Variants in LAMC1 observed in about 807,000 individuals in gnomAD.
LAMC1 encodes the protein laminin subunit gamma-1.
LAMC1 carries 38 observed loss-of-function variants against 173.6 expected under a neutral mutation model. That is an observed-to-expected ratio of 0.22 (90% confidence interval 0.17 to 0.29). LAMC1 has a LOEUF of 0.29. LAMC1 is among the 10% of genes least tolerant of loss of function. The pLI is 1.00. For missense variants in LAMC1, 1,824 were observed against 2,051.8 expected, an observed-to-expected ratio of 0.89 and a Z score of 2.14; for synonymous variants, 746 against 749.1, an observed-to-expected ratio of 1.00 and a Z score of 0.07.
chr1:183,099,287 A>G (rs1445648171), intron 1 of LAMC1, among the ~76,000 whole-genome samples: 1 of 151,930 alleles, frequency 6.6e-6, no homozygotes, highest in African/African-American at 2.4e-5. Flanking sequence ...ACAGGGTTTC[A>G]CCATGTTGGC....
At chr1:183,061,571 G>T (rs998773207) in intron 1 of LAMC1, among the ~76,000 whole-genome samples, 12 of 151,986 alleles carry the variant, frequency 7.9e-5, no homozygotes, top group Non-Finnish European at 8.8e-5. Flanking sequence ...TTTTTAAAAA[G>T]TGCTTATATC....
At chr1:183,116,346 G>A (rs1276874199) in intron 6 of LAMC1, among the ~76,000 whole-genome samples, 3 of 151,860 alleles carry the variant, frequency 2.0e-5, no homozygotes, top group Non-Finnish European at 2.9e-5. Context: ...GTGTGGTGGC[G>A]TGCGCCTGTA....
intron 1 of LAMC1, among the ~76,000 whole-genome samples, chr1:183,037,603 G>A (rs1165630079): frequency 1.3e-5 from 2 of 152,158 alleles, no homozygotes; most frequent in South Asian, 2.1e-4. Context: ...TCACTTTGAT[G>A]TCTGTGTATG....
chr1:183,100,802 C>T (rs1236418471), intron 1 of LAMC1, among the ~76,000 whole-genome samples: 1 of 152,076 alleles, frequency 6.6e-6, no homozygotes, highest in Non-Finnish European at 1.5e-5. Context: ...GGTGTGTGAG[C>T]CTCCATACAG....
chr1:183,117,052 TTTTAA>T (rs1656342860), intron 8 of LAMC1, 149 bp downstream of exon 8: 2 of 862,974 alleles, frequency 2.3e-6, no homozygotes, highest in South Asian at 4.0e-5. Flanking sequence ...TAGTTTGGCC[TTTTAA>T]TTTAATGAAA....
rs1655041125 is a variant in LAMC1 at position 183,072,795 on chromosome 1, T to C, written c.419-30533T>C. 3.3e-5 allele frequency among the ~76,000 whole-genome samples: 5 copies of C among 152,182 alleles called. No homozygotes were observed. The South Asian group carries it at 1.0e-3, about 32-fold the overall frequency. Reference sequence around the variant, plus strand: ...GGTCAGCTGCAGCATTAGATTCTCATAGGAGCATGAACCCTGTTGTGAAAT... The same window carrying C: ...GGTCAGCTGCAGCATTAGATTCTCACAGGAGCATGAACCCTGTTGTGAAAT... On this transcript the variant is annotated intron_variant, in intron 1 of 27. Coordinates refer to ENST00000258341, the MANE Select transcript of LAMC1 (RefSeq NM_002293.4).
intron 1 of LAMC1, among the ~76,000 whole-genome samples, chr1:183,071,285 A>G (rs1481965989): frequency 2.0e-5 from 3 of 152,130 alleles, no homozygotes; most frequent in Admixed American, 6.5e-5. Flanking sequence ...GGAGGAAAAT[A>G]CTTGATGCTG....
rs1476939560 is a variant in LAMC1, at chr1:183,079,232, G to T, written c.419-24096G>T. ...AAGCAACTTTCTGATCTCTAATCTG[G>T]TTTTTTTTTTTTTTTTTTTTTTTTT... On this transcript the variant is annotated intron_variant, in intron 1 of 27. Transcript: ENST00000258341. Among the ~76,000 whole-genome samples, 450 of 62,836 alleles carry T rather than the reference G, an allele frequency of 7.2e-3. 1 individual carries two copies. The highest frequency in any genetic ancestry group is 0.02 in the African/African-American group (372 of 18,148). The allele number at this position is 62,836 out of a possible 152,430, so 41.2% of individuals were successfully genotyped here.
chr1:183,049,996 T>C (rs974343462), intron 1 of LAMC1, among the ~76,000 whole-genome samples: 1 of 152,192 alleles, frequency 6.6e-6, no homozygotes, highest in African/African-American at 2.4e-5. Flanking sequence ...TCAGTCTCCT[T>C]GCATAATACA....
chr1:183,061,672 A>G (rs886065270), intron 1 of LAMC1, among the ~76,000 whole-genome samples: 2 of 152,214 alleles, frequency 1.3e-5, no homozygotes, highest in Admixed American at 6.5e-5. Context: ...ATCAGAAATC[A>G]GTTTTGCTCT....
intron 1 of LAMC1, among the ~76,000 whole-genome samples, chr1:183,091,210 C>T (rs113686121): frequency 0.021 from 3,159 of 152,058 alleles, 60 homozygotes; most frequent in South Asian, 0.079. Flanking sequence ...TAGTAGAAAT[C>T]TTTGTTTTTG....
intron 3 of LAMC1, among the ~76,000 whole-genome samples, chr1:183,110,091 A>C (rs916564549): frequency 1.3e-5 from 2 of 152,174 alleles, no homozygotes; most frequent in Admixed American, 1.3e-4. Flanking sequence ...CCTGTTTTAC[A>C]GGCGAGGCAC....
At chr1:183,047,405 T>C (rs575386661) in intron 1 of LAMC1, among the ~76,000 whole-genome samples, 1 of 152,314 alleles carries the variant, frequency 6.6e-6, no homozygotes, top group East Asian at 1.9e-4. Flanking sequence ...GGTCAGTCTT[T>C]ATATTTTTAT....
intron 11 of LAMC1, among the ~76,000 whole-genome samples, chr1:183,118,754 A>G (rs1656389962): frequency 1.3e-5 from 2 of 151,998 alleles, no homozygotes; most frequent in Admixed American, 6.6e-5. Flanking sequence ...TTATAATTCT[A>G]CTGGCTCAAG....
In LAMC1 at chr1:183,139,179, C is replaced by T. The variant is rs572014734; in HGVS notation, c.4474-1225C>T. 7.2e-5 allele frequency among the ~76,000 whole-genome samples: 11 copies of T among 152,170 alleles called. No individual in the cohort carries two copies. In the South Asian group the frequency reaches 2.3e-3, roughly 32 times the overall value. ...AAGAAAACAGTATATTCTTTAGGAG[C>T]TTCAAAAAAGGGTTTTGGTTTAGTT... On this transcript the variant is annotated intron_variant, in intron 26 of 27. Coordinates refer to ENST00000258341, the MANE Select transcript of LAMC1 (RefSeq NM_002293.4).
At chr1:183,062,823 G>A (rs1654775223) in intron 1 of LAMC1, among the ~76,000 whole-genome samples, 2 of 152,078 alleles carry the variant, frequency 1.3e-5, no homozygotes, top group African/African-American at 2.4e-5. Context: ...GCTTGGTGGT[G>A]CATGCCTGTA....
intron 1 of LAMC1, among the ~76,000 whole-genome samples, chr1:183,063,789 C>T (rs962011177): frequency 3.9e-5 from 6 of 152,124 alleles, no homozygotes; most frequent in African/African-American, 1.4e-4. Flanking sequence ...ACAGAGGGTG[C>T]TTTTGCTTGA....
rs527252679 is a variant in LAMC1, at chr1:183,043,051, A to G, written c.418+18917A>G. Among the ~76,000 whole-genome samples, 7 of 152,296 alleles carry G rather than the reference A, an allele frequency of 4.6e-5. No individual in the cohort carries two copies. In the South Asian group the frequency reaches 1.0e-3, roughly 23 times the overall value. On this transcript the variant is annotated intron_variant, in intron 1 of 27. Coordinates refer to ENST00000258341, the MANE Select transcript of LAMC1 (RefSeq NM_002293.4). ...TCAGTGCTTTTTGTGGCTTGAACATATACAGTTTTGTTGTGGAATCTTCTT... is the reference window on the plus strand; with the variant it reads ...TCAGTGCTTTTTGTGGCTTGAACATGTACAGTTTTGTTGTGGAATCTTCTT...
At chr1:183,135,642 C>A (rs550290786) in intron 24 of LAMC1, among the ~76,000 whole-genome samples, 3 of 151,984 alleles carry the variant, frequency 2.0e-5, no homozygotes, top group Non-Finnish European at 4.4e-5. Flanking sequence ...CCCAACACTT[C>A]GGGAGGAAGG....
Sources: gnomAD v4.1 joint callset for allele counts (sites outside exome capture counted in the v4.1 genomes callset) on GRCh38, gnomAD v4.1.1 for gene constraint, MANE v1.5 for transcripts, NCBI Gene and HGNC (gene_info 2026-07-23, HGNC 2026-07-21) for gene names.